COL5A2: variants seen among roughly 807,000 people sequenced by gnomAD.
The protein encoded by COL5A2 is collagen type V alpha 2 chain.
COL5A2 carries 23 observed loss-of-function variants against 208.2 expected under a neutral mutation model. That is an observed-to-expected ratio of 0.11 (90% confidence interval 0.08 to 0.16). The LOEUF (loss-of-function observed/expected upper bound fraction) is 0.16. COL5A2 is among the 10% of genes least tolerant of loss of function. The probability of loss-of-function intolerance (pLI) is 1.00; values close to 1 mark genes in which losing one functional copy is unlikely to be tolerated. For synonymous variants in COL5A2, 625 were observed against 628.5 expected (o/e 0.99, Z 0.08); for missense variants, 1,590 against 1,956.4 (o/e 0.81, Z 3.53).
Position 189,063,282 on chromosome 2 carries a change from A to G in COL5A2, c.1771-12T>C. 1 of 1,607,664 alleles carries G rather than the reference A, an allele frequency of 6.2e-7. No individual in the cohort carries two copies. Among genetic ancestry groups the G allele is most frequent in the South Asian group, 1.1e-5 (1 of 91,000 alleles). ...TCCCCTGGCGCACCCTATAGAATTGACAGGAGCCATGTAAGTTTCATGTAA... is the reference window on the plus strand; with the variant it reads ...TCCCCTGGCGCACCCTATAGAATTGGCAGGAGCCATGTAAGTTTCATGTAA... On this transcript the variant is annotated splice_polypyrimidine_tract_variant and intron_variant, in intron 26 of 53. Coordinates refer to ENST00000374866, the MANE Select transcript of COL5A2 (RefSeq NM_000393.5).
At chr2:189,218,763 C>A (rs936774247) in intron 1 of COL5A2, among the ~76,000 whole-genome samples, 18 of 152,062 alleles carry the variant, frequency 1.2e-4, no homozygotes, top group Non-Finnish European at 2.5e-4. Context: ...ACATTAGGTT[C>A]TCATTGACGC....
intron 36 of COL5A2, 51 bp from the exon 37 acceptor site, chr2:189,053,999 A>G: frequency 6.4e-7 from 1 of 1,552,742 alleles, no homozygotes; most frequent in Middle Eastern, 1.7e-4. Context: ...GCTAAACATA[A>G]TTTTAGGACA....
At chr2:189,350,749 T>A in the COL5A2 span, among the ~76,000 whole-genome samples, 1 of 152,196 alleles carries the variant, frequency 6.6e-6, no homozygotes, top group African/African-American at 2.4e-5. Context: ...TGCCTTTTGA[T>A]ACTTTGTGGC....
chr2:189,083,760 T>C (rs1002671428), intron 12 of COL5A2, among the ~76,000 whole-genome samples: 3 of 152,166 alleles, frequency 2.0e-5, no homozygotes, highest in African/African-American at 4.8e-5. Flanking sequence ...AATATACTTC[T>C]CTAGCTCCAG....
At chr2:189,401,651 C>T in the COL5A2 span, among the ~76,000 whole-genome samples, 68 of 152,302 alleles carry the variant, frequency 4.5e-4, 1 homozygote, top group South Asian at 3.3e-3. Flanking sequence ...CTGTCTTCCA[C>T]AATGGTTTAA....
At chr2:189,353,909 G>T in the COL5A2 span, among the ~76,000 whole-genome samples, 1 of 152,128 alleles carries the variant, frequency 6.6e-6, no homozygotes, top group South Asian at 2.1e-4. Context: ...CATTTAGTAT[G>T]ATATTGGCTG....
chr2:189,179,801 A>G, upstream of COL5A2: 4 of 771,540 alleles, frequency 5.2e-6, no homozygotes, highest in Non-Finnish European at 8.3e-6. Context: ...AATAGGAAGA[A>G]TGCTGCCTCC....
At chr2:189,048,509 C>T (rs1685717683) in intron 44 of COL5A2, among the ~76,000 whole-genome samples, 1 of 152,046 alleles carries the variant, frequency 6.6e-6, no homozygotes, top group Admixed American at 6.6e-5. Context: ...AACAAAAAAC[C>T]CACAAATATT....
chr2:189,203,130 A>G (rs1419934673), intron 1 of COL5A2, among the ~76,000 whole-genome samples: 1 of 152,230 alleles, frequency 6.6e-6, no homozygotes, highest in Non-Finnish European at 1.5e-5. Flanking sequence ...ACATATGTAC[A>G]GGTCAAAGAA....
the COL5A2 span, among the ~76,000 whole-genome samples, chr2:189,417,890 A>G: frequency 6.6e-6 from 1 of 152,006 alleles, no homozygotes; most frequent in African/African-American, 2.4e-5. Flanking sequence ...ATTGTTGGAC[A>G]CTTTGATTCC....
intron 36 of COL5A2, 53 bp downstream of exon 36, chr2:189,054,106 T>A (rs920162976): frequency 6.7e-7 from 1 of 1,500,372 alleles, no homozygotes; most frequent in African/African-American, 1.4e-5. Flanking sequence ...TGAAAGAGCC[T>A]GCTATTCAGG....
chr2:189,119,651 T>A (rs980913396), intron 1 of COL5A2, among the ~76,000 whole-genome samples: 47 of 152,088 alleles, frequency 3.1e-4, no homozygotes, highest in Admixed American at 2.0e-3. Context: ...AGGAAAACAA[T>A]ACTCTTGTCA....
the COL5A2 span, among the ~76,000 whole-genome samples, chr2:189,259,997 A>G: frequency 1.3e-5 from 2 of 152,336 alleles, no homozygotes; most frequent in East Asian, 3.9e-4. Flanking sequence ...GAAATGCCCA[A>G]TGCTGGATAC....
At chr2:189,172,335 C>T (rs1225630514) in intron 1 of COL5A2, among the ~76,000 whole-genome samples, 1 of 152,138 alleles carries the variant, frequency 6.6e-6, no homozygotes, top group African/African-American at 2.4e-5. Flanking sequence ...AGAACAAGTC[C>T]AGGAGGTGCT....
rs1260914784 is a variant in COL5A2, at chr2:189,134,436, A to C, written c.98-23987T>G. 8.5e-5 allele frequency among the ~76,000 whole-genome samples: 13 copies of C among 152,254 alleles called. No homozygotes were observed. The East Asian group carries it at 2.5e-3, about 29-fold the overall frequency. On this transcript the variant is annotated intron_variant, in intron 1 of 53. Transcript: ENST00000374866. ...AAACCCCGTCTCCACTAAAAATACAAAAATTAGCCAGGTGTGGTGGCACGT... is the reference window on the plus strand; with the variant it reads ...AAACCCCGTCTCCACTAAAAATACACAAATTAGCCAGGTGTGGTGGCACGT...
At chr2:189,149,751 G>C (rs546617678) in intron 1 of COL5A2, among the ~76,000 whole-genome samples, 1 of 152,170 alleles carries the variant, frequency 6.6e-6, no homozygotes, top group Admixed American at 6.5e-5. Context: ...AGTGTTTAGT[G>C]GTTTCAAGAC....
chr2:189,165,519 G>A (rs1038922718), intron 1 of COL5A2, among the ~76,000 whole-genome samples: 2 of 152,238 alleles, frequency 1.3e-5, no homozygotes, highest in Middle Eastern at 3.4e-3. Context: ...AGTCTGTAAT[G>A]AGCCAATCAG....
At chr2:189,059,585 G>GTTTTTTTTTTTTTTTTTTGTTTTTT (rs1685980077) in intron 31 of COL5A2, among the ~76,000 whole-genome samples, 1 of 28,594 alleles carries the variant, frequency 3.5e-5, no homozygotes, top group Admixed American at 5.8e-4. Context: ...TTCTTTTCTG[G>GTTTTTTTTTTTTTTTTTTGTTTTTT]TTTTTTTTTT....
intron 9 of COL5A2, 59 bp downstream of exon 9, chr2:189,086,667 A>AAT (rs1227025376): frequency 1.5e-6 from 2 of 1,324,348 alleles, no homozygotes; most frequent in African/African-American, 1.5e-5. Context: ...GACCTTATGT[A>AAT]ATATATGTGT....
Sources: allele counts gnomAD v4.1 joint callset (sites outside exome capture counted in the v4.1 genomes callset), GRCh38; gene constraint gnomAD v4.1.1; transcripts MANE v1.5; gene names NCBI Gene and HGNC (gene_info 2026-07-23, HGNC 2026-07-21).